ERC1: variants seen among roughly 807,000 people sequenced by gnomAD.
ERC1 encodes the protein RAB6 interacting protein 2.
A neutral mutation model predicts 132.0 loss-of-function variants in ERC1; 56 were observed. That is an observed-to-expected ratio of 0.42 (90% CI 0.34 to 0.53). The LOEUF (loss-of-function observed/expected upper bound fraction) is 0.53, where lower values mean the gene tolerates loss of function less well. ERC1 is among the 20% of genes least tolerant of loss of function. The probability of loss-of-function intolerance (pLI) is 0.03; values close to 1 mark genes in which losing one functional copy is unlikely to be tolerated. For missense variants in ERC1, 1,202 were observed against 1,349.9 expected, an observed-to-expected ratio of 0.89 and a Z score of 1.72; for synonymous variants, 478 against 476.1, an observed-to-expected ratio of 1.00 and a Z score of -0.05.
Position 1,097,250 on chromosome 12 carries a change from A to G in ERC1, c.1087-7500A>G, listed in dbSNP as rs547974588. ...TCGTGTGTATAGAATTTGTGGTATG[A>G]TGGACATTTTGGACACAAGGTGATT... On this transcript the variant is annotated intron_variant, in intron 3 of 18. Transcript: ENST00000360905. Among the ~76,000 whole-genome samples, 9 of 152,268 alleles carry G rather than the reference A, an allele frequency of 5.9e-5. No individual in the cohort carries two copies. In the South Asian group the frequency reaches 1.9e-3, roughly 32 times the overall value.
At chr12:1,347,811 C>T (rs552546937) in intron 15 of ERC1, among the ~76,000 whole-genome samples, 53 of 152,104 alleles carry the variant, frequency 3.5e-4, no homozygotes, top group Middle Eastern at 3.4e-3. Flanking sequence ...GGTGCAACCC[C>T]GTCTCTACTA....
intron 7 of ERC1, among the ~76,000 whole-genome samples, chr12:1,140,819 G>C (rs1342873280): frequency 6.6e-6 from 1 of 151,958 alleles, no homozygotes; most frequent in Non-Finnish European, 1.5e-5. Flanking sequence ...ATATCAAAGA[G>C]TTAGTATGAA....
intron 2 of ERC1, among the ~76,000 whole-genome samples, chr12:1,075,967 GTTTTCATA>G (rs1191685345): frequency 6.6e-6 from 1 of 152,130 alleles, no homozygotes; most frequent in African/African-American, 2.4e-5. Context: ...ACTGTACTTT[GTTTTCATA>G]GAGATATATT....
chr12:1,444,660 C>G lies in ERC1; in HGVS notation c.3123C>G (p.Ile1041Met), dbSNP rs1368443266. 1 of 1,614,108 alleles carries G rather than the reference C, an allele frequency of 6.2e-7. No homozygotes were observed. The highest frequency in any genetic ancestry group is 1.7e-5 in the Admixed American group (1 of 60,022). ...TTLCHDRDPL[I>M]LRGLTPPASY... Reference sequence around the variant, plus strand: ...TCTGCCATGACCGAGACCCCCTGATCCTCCGTGGACTCACTCCACCAGCTT... The same window carrying G: ...TCTGCCATGACCGAGACCCCCTGATGCTCCGTGGACTCACTCCACCAGCTT... The change falls in exon 18 of 19, where the codon ATC (isoleucine) becomes ATG (methionine). Residue 1041 changes from isoleucine (I) to methionine (M), a missense_variant. Coordinates refer to ENST00000360905, the MANE Select transcript of ERC1 (RefSeq NM_178040.4).
At chr12:1,399,185 C>G (rs1355625051) in intron 16 of ERC1, among the ~76,000 whole-genome samples, 2 of 151,892 alleles carry the variant, frequency 1.3e-5, no homozygotes, top group Non-Finnish European at 2.9e-5. Flanking sequence ...CTTATAGGCT[C>G]AAGCAGTCCT....
intron 15 of ERC1, among the ~76,000 whole-genome samples, chr12:1,370,226 T>G (rs2087067726): frequency 6.6e-6 from 1 of 152,272 alleles, no homozygotes; most frequent in Non-Finnish European, 1.5e-5. Flanking sequence ...ATTGTGATTA[T>G]TTTGTAAATT....
intron 12 of ERC1, among the ~76,000 whole-genome samples, chr12:1,230,964 G>A (rs2074985567): frequency 6.6e-6 from 1 of 152,126 alleles, no homozygotes; most frequent in African/African-American, 2.4e-5. Flanking sequence ...TACAGCTAAA[G>A]TGAGTCTCTT....
At chr12:1,376,225 T>C (rs2087896037) in intron 16 of ERC1, among the ~76,000 whole-genome samples, 2 of 152,250 alleles carry the variant, frequency 1.3e-5, no homozygotes, top group South Asian at 4.1e-4. Flanking sequence ...TTTAATGATA[T>C]GACTCTCATA....
At chr12:1,227,696 T>C (rs1011653486) in intron 12 of ERC1, among the ~76,000 whole-genome samples, 2 of 152,220 alleles carry the variant, frequency 1.3e-5, no homozygotes, top group Admixed American at 6.5e-5. Context: ...TTGCCTGTGC[T>C]TTTGGGGTCA....
Position 1,201,884 on chromosome 12 carries a change from G to T in ERC1, c.2351+11832G>T, listed in dbSNP as rs559436640. Among the ~76,000 whole-genome samples the T allele has an allele frequency of 2.6e-5, 4 of 152,312 alleles. No homozygotes were observed. The East Asian group carries it at 7.7e-4, about 29-fold the overall frequency. On this transcript the variant is annotated intron_variant, in intron 12 of 18. Transcript: ENST00000360905. Reference sequence around the variant, plus strand: ...TCAATCCATGAAGTATAGTGTCAGAGAATATGCTCTTAATGTGGTTAGAGT... The same window carrying T: ...TCAATCCATGAAGTATAGTGTCAGATAATATGCTCTTAATGTGGTTAGAGT...
At chr12:1,415,984 A>G (rs1211329151) in intron 17 of ERC1, among the ~76,000 whole-genome samples, 2 of 152,194 alleles carry the variant, frequency 1.3e-5, no homozygotes, top group African/African-American at 4.8e-5. Flanking sequence ...CCAAGATTAC[A>G]CAGCTAACAA....
chr12:1,470,921 T>G, intron 18 of ERC1, among the ~76,000 whole-genome samples: 1 of 152,214 alleles, frequency 6.6e-6, no homozygotes, highest in Non-Finnish European at 1.5e-5. Context: ...CACAGTTCCT[T>G]TGGTGTTCCA....
intron 15 of ERC1, among the ~76,000 whole-genome samples, chr12:1,330,493 C>G (rs1308834011): frequency 1.3e-5 from 2 of 152,026 alleles, no homozygotes; most frequent in African/African-American, 4.8e-5. Flanking sequence ...ACCTTTGTAA[C>G]TTTAAATCAT....
chr12:1,444,681 A>T lies in ERC1; in HGVS notation c.3144A>T (p.Pro1048=). The change falls in exon 18 of 19, where the codon CCA becomes CCT. Residue 1048 remains proline (P), a synonymous_variant. Transcript: ENST00000360905. ...TGATCCTCCGTGGACTCACTCCACC[A>T]GCTTCCTATAACTTGGACGATGACC... ...DPLILRGLTP[P]ASYNLDDDQA... 6.2e-7 allele frequency: 1 copy of T among 1,614,190 alleles called. No homozygotes were observed. Among genetic ancestry groups the T allele is most frequent in the Non-Finnish European group, 8.5e-7 (1 of 1,180,034 alleles).
At chr12:1,101,509 CG>C (rs531527184) in intron 3 of ERC1, among the ~76,000 whole-genome samples, 32 of 152,226 alleles carry the variant, frequency 2.1e-4, no homozygotes, top group African/African-American at 7.0e-4. Context: ...ATTCATGTCC[CG>C]GCTTCTTCAT....
chr12:1,113,595 A>G (rs981501676), intron 6 of ERC1, among the ~76,000 whole-genome samples: 4 of 152,226 alleles, frequency 2.6e-5, no homozygotes, highest in Non-Finnish European at 5.9e-5. Context: ...TAGATTTGCT[A>G]TTTATGGTCC....
At chr12:1,077,692 G>A (rs1443948519) in intron 2 of ERC1, among the ~76,000 whole-genome samples, 1 of 152,154 alleles carries the variant, frequency 6.6e-6, no homozygotes, top group Non-Finnish European at 1.5e-5. Context: ...AGACATTCTA[G>A]TATTATCTTA....
chr12:1,104,543 T>C (rs983093260), intron 3 of ERC1, among the ~76,000 whole-genome samples: 1 of 152,194 alleles, frequency 6.6e-6, no homozygotes. Flanking sequence ...TGTTCAGAGA[T>C]AGGGATCCTC....
intron 3 of ERC1, among the ~76,000 whole-genome samples, chr12:1,102,763 G>A (rs1944816120): frequency 6.6e-6 from 1 of 152,172 alleles, no homozygotes; most frequent in Admixed American, 6.5e-5. Flanking sequence ...ATGTTAGAGG[G>A]TAAGTGCTAT....
Sources: gnomAD v4.1 joint callset for allele counts (sites outside exome capture counted in the v4.1 genomes callset) on GRCh38, gnomAD v4.1.1 for gene constraint, MANE v1.5 for transcripts, NCBI Gene and HGNC (gene_info 2026-07-23, HGNC 2026-07-21) for gene names.